The following EML6 variants were observed in gnomAD, a reference collection of about 807,000 sequenced individuals.
The protein encoded by EML6 is echinoderm microtubule-associated protein-like 6.
A neutral mutation model predicts 240.1 loss-of-function variants in EML6; 154 were observed. That is an observed-to-expected ratio of 0.64 (90% CI 0.56 to 0.73). The LOEUF (loss-of-function observed/expected upper bound fraction) is 0.73, where lower values mean the gene tolerates loss of function less well. EML6 is among the 30% of genes least tolerant of loss of function. The pLI is 0.00. For synonymous variants in EML6, 1,148 were observed against 899.0 expected (o/e 1.28, Z -4.95); for missense variants, 2,964 against 2,474.6 (o/e 1.20, Z -4.20).
chr2:54,774,025 C>G lies in EML6; in HGVS notation c.198-39207C>G, dbSNP rs1471532679. Among the ~76,000 whole-genome samples, 1 of 152,164 alleles carries G rather than the reference C, an allele frequency of 6.6e-6. No homozygotes were observed. Among genetic ancestry groups the G allele is most frequent in the East Asian group, 1.9e-4 (1 of 5,200 alleles). ...GCCTTCATGTCTGCATTCCAGCCAG[C>G]AGGAGGAGAAAGAGGGGCACTGCTA... On this transcript the variant is annotated intron_variant, in intron 2 of 41. Coordinates refer to ENST00000356458, the MANE Select transcript of EML6 (RefSeq NM_001039753.4). This position sits in a 1 kb window ranked among gnomAD's most constrained non-coding sequence, Gnocchi z 4.1.
At chr2:54,836,808 G>A (rs1034925349) in intron 7 of EML6, among the ~76,000 whole-genome samples, 10 of 152,094 alleles carry the variant, frequency 6.6e-5, no homozygotes, top group Admixed American at 3.3e-4. Flanking sequence ...TTTTGCACTG[G>A]GCTCCAAAAT....
intron 2 of EML6, among the ~76,000 whole-genome samples, chr2:54,759,504 A>G (rs1040309252): frequency 2.6e-5 from 4 of 152,156 alleles, no homozygotes; most frequent in Non-Finnish European, 5.9e-5. Flanking sequence ...AATGCTGACT[A>G]AACGCATAGT....
intron 2 of EML6, among the ~76,000 whole-genome samples, chr2:54,757,312 A>G (rs115030831): frequency 2.6e-5 from 4 of 152,250 alleles, no homozygotes; most frequent in African/African-American, 4.8e-5. Flanking sequence ...TGGGAGCTCT[A>G]TATGAGGGGC....
chr2:54,829,540 T>A, intron 7 of EML6, 63 bp downstream of exon 7: 1 of 1,358,780 alleles, frequency 7.4e-7, no homozygotes, highest in Middle Eastern at 1.8e-4. Context: ...AGTTCTGTAT[T>A]CATATTTGTT....
At chr2:54,895,451 G>A in intron 21 of EML6, 51 bp downstream of exon 21, 1 of 1,538,862 alleles carries the variant, frequency 6.5e-7, no homozygotes, top group Non-Finnish European at 8.8e-7. Flanking sequence ...GCTGGGACTA[G>A]AGTGAGGCAA....
chr2:54,946,605 C>T (rs1212876899), intron 28 of EML6, among the ~76,000 whole-genome samples: 1 of 152,186 alleles, frequency 6.6e-6, no homozygotes, highest in Non-Finnish European at 1.5e-5. Context: ...TTTATAGATG[C>T]CTGGAAAGAA....
intron 7 of EML6, among the ~76,000 whole-genome samples, chr2:54,830,891 G>A (rs1323175001): frequency 1.3e-5 from 2 of 152,154 alleles, no homozygotes; most frequent in Non-Finnish European, 2.9e-5. Flanking sequence ...GTGTGCATAC[G>A]TTTCTGAATA....
intron 25 of EML6, among the ~76,000 whole-genome samples, chr2:54,915,549 C>T (rs956221704): frequency 2.0e-5 from 3 of 152,100 alleles, no homozygotes; most frequent in Non-Finnish European, 2.9e-5. Flanking sequence ...TGTTCCTACC[C>T]AAGGCCCCCA....
chr2:54,811,469 T>C (rs1166905819), intron 2 of EML6, among the ~76,000 whole-genome samples: 6 of 152,196 alleles, frequency 3.9e-5, no homozygotes, highest in Non-Finnish European at 4.4e-5. Context: ...CCATCCTCCA[T>C]CTTTCTCCAT....
In EML6 at chr2:54,844,235, G is replaced by A. The variant is rs1163628596; in HGVS notation, c.1036G>A (p.Asp346Asn). The A allele has an allele frequency of 6.4e-7, 1 of 1,551,482 alleles. No individual in the cohort carries two copies. The highest frequency in any genetic ancestry group is 2.0e-5 in the Admixed American group (1 of 51,006). The change falls in exon 8 of 42, where the codon GAC (aspartate) becomes AAC (asparagine). Residue 346 changes from aspartate (D) to asparagine (N), a missense_variant. By Grantham distance (23) the Asp-to-Asn change is conservative (BLOSUM62 1). Coordinates refer to ENST00000356458, the MANE Select transcript of EML6 (RefSeq NM_001039753.4). ...KKPLAVTGSD[D>N]RSVRLWSLAD... is the part of the protein sequence containing the mutation. ...GCCTCTGGCTGTGACAGGCAGCGATGACCGCTCTGTCAGGTGAGGCCCTAC... is the reference window on the plus strand; with the variant it reads ...GCCTCTGGCTGTGACAGGCAGCGATAACCGCTCTGTCAGGTGAGGCCCTAC...
At chr2:54,841,012 A>C (rs62136940) in intron 7 of EML6, among the ~76,000 whole-genome samples, 9,940 of 152,340 alleles carry the variant, frequency 0.065, 411 homozygotes, top group Middle Eastern at 0.14. Flanking sequence ...AGGAGCTGAG[A>C]AAAACACCAG....
At chr2:54,834,446 C>G (rs1669029662) in intron 7 of EML6, among the ~76,000 whole-genome samples, 1 of 152,088 alleles carries the variant, frequency 6.6e-6, no homozygotes, top group Admixed American at 6.5e-5. Context: ...ATGATTCTGT[C>G]TAAAGGAATA....
chr2:54,883,854 T>G (rs1386558213), intron 17 of EML6, among the ~76,000 whole-genome samples: 1 of 152,228 alleles, frequency 6.6e-6, no homozygotes, highest in East Asian at 1.9e-4. Flanking sequence ...AACATTTACA[T>G]GCCATCATTA....
At position 54,911,031 on chromosome 2, in the gene EML6, A is replaced by C. The variant is rs1393609382; in HGVS notation, c.3487A>C (p.Arg1163=). 6.6e-7 allele frequency: 1 copy of C among 1,509,852 alleles called. No homozygotes were observed. The highest frequency in any genetic ancestry group is 1.2e-5 in the South Asian group (1 of 81,406). 93.5% of individuals were successfully genotyped at this position (1,509,852 alleles called of 1,614,324 possible). ...EAPRGKRHII[R]PSEIEKIEWD... ...TCCAAGAGGCAAACGGCATATAATA[A>C]GACCTTCAGAGGTAATAATCATACA... Residue 1163 remains arginine (R), a synonymous_variant, in exon 25 of 42, where the codon AGA becomes CGA. Coordinates refer to ENST00000356458, the MANE Select transcript of EML6 (RefSeq NM_001039753.4).
At chr2:54,912,744 A>AT (rs1162825911) in intron 25 of EML6, among the ~76,000 whole-genome samples, 1 of 152,164 alleles carries the variant, frequency 6.6e-6, no homozygotes, top group Non-Finnish European at 1.5e-5. Flanking sequence ...TTATTTCATT[A>AT]TTTTTTATGG....
chr2:54,844,880 G>A (rs1477779354), intron 8 of EML6, among the ~76,000 whole-genome samples: 3 of 152,164 alleles, frequency 2.0e-5, no homozygotes, highest in African/African-American at 4.8e-5. Context: ...ACCTATTAAA[G>A]GAATGAACAT....
At chr2:54,898,570 T>G (rs573765110) in intron 21 of EML6, among the ~76,000 whole-genome samples, 1 of 152,318 alleles carries the variant, frequency 6.6e-6, no homozygotes, top group African/African-American at 2.4e-5. Flanking sequence ...TATTTGAATG[T>G]CAGTTGTATT....
intron 2 of EML6, among the ~76,000 whole-genome samples, chr2:54,751,261 G>A (rs1684151578): frequency 6.6e-6 from 1 of 152,174 alleles, no homozygotes; most frequent in South Asian, 2.1e-4. Flanking sequence ...TTGGATTACT[G>A]GTGTGGAGGA....
At chr2:54,871,455 A>G (rs1246752488) in intron 15 of EML6, 45 bp from the exon 16 acceptor site, 2 of 1,401,000 alleles carry the variant, frequency 1.4e-6, no homozygotes, top group African/African-American at 1.4e-5. Context: ...AATCATTGTT[A>G]GTATAACGTG....
Sources: allele counts gnomAD v4.1 joint callset (sites outside exome capture counted in the v4.1 genomes callset), GRCh38; gene constraint gnomAD v4.1.1; non-coding constraint Gnocchi (gnomAD v3.1); transcripts MANE v1.5; gene names NCBI Gene and HGNC (gene_info 2026-07-23, HGNC 2026-07-21).